BNC2: variants seen among roughly 807,000 people sequenced by gnomAD.
The protein encoded by BNC2 is zinc finger protein basonuclin-2.
Under a neutral mutation model 76.3 loss-of-function variants are expected in BNC2, and 20 were observed. That is an observed-to-expected ratio of 0.26 (90% CI 0.18 to 0.38). BNC2 has a LOEUF of 0.38. BNC2 is among the 10% of genes least tolerant of loss of function. BNC2 has a pLI of 1.00. For synonymous variants in BNC2, 582 were observed against 514.8 expected (o/e 1.13, Z -1.77); for missense variants, 1,382 against 1,399.8 (o/e 0.99, Z 0.20).
At chr9:16,836,238 G>T (rs1236328088) in intron 1 of BNC2, among the ~76,000 whole-genome samples, 12 of 152,072 alleles carry the variant, frequency 7.9e-5, no homozygotes, top group Non-Finnish European at 1.6e-4. Flanking sequence ...CAAGTCTATG[G>T]TCATTCAAGG....
At chr9:16,618,846 A>G (rs1353891659) in intron 3 of BNC2, among the ~76,000 whole-genome samples, 1 of 152,188 alleles carries the variant, frequency 6.6e-6, no homozygotes, top group Admixed American at 6.5e-5. Context: ...CAGCTCAAAC[A>G]GTCCTGAAGC....
intron 5 of BNC2, among the ~76,000 whole-genome samples, chr9:16,449,407 G>A (rs1821293178): frequency 6.6e-6 from 1 of 152,096 alleles, no homozygotes; most frequent in Non-Finnish European, 1.5e-5. Flanking sequence ...TTGTCATTAT[G>A]CATCCTGGAG....
chr9:16,479,646 A>C (rs750045721), intron 5 of BNC2, among the ~76,000 whole-genome samples: 88 of 152,256 alleles, frequency 5.8e-4, no homozygotes, highest in Middle Eastern at 3.4e-3. Flanking sequence ...ACAGTCCTAT[A>C]ATTTACAATT....
intron 1 of BNC2, among the ~76,000 whole-genome samples, chr9:16,864,767 G>A (rs930501169): frequency 5.9e-5 from 9 of 152,064 alleles, no homozygotes; most frequent in South Asian, 4.2e-4. Flanking sequence ...GGATGTAACC[G>A]AGAAATCTAA....
chr9:16,631,653 G>A (rs1488000036), intron 3 of BNC2, among the ~76,000 whole-genome samples: 2 of 152,146 alleles, frequency 1.3e-5, no homozygotes, highest in Non-Finnish European at 2.9e-5. Flanking sequence ...ACTGATTTCC[G>A]TGGCCTACCA....
At chr9:16,768,430 T>C (rs573722972) in intron 1 of BNC2, among the ~76,000 whole-genome samples, 2 of 152,238 alleles carry the variant, frequency 1.3e-5, no homozygotes, top group African/African-American at 4.8e-5. Context: ...CAAAAGGGAT[T>C]TGGATAATGG....
chr9:16,663,981 A>T (rs1822189997), intron 3 of BNC2, among the ~76,000 whole-genome samples: 1 of 152,236 alleles, frequency 6.6e-6, no homozygotes, highest in Non-Finnish European at 1.5e-5. Context: ...CCCTGGCAAG[A>T]AAAGGGCTAA....
chr9:16,647,855 A>T (rs1429496468), intron 3 of BNC2, among the ~76,000 whole-genome samples: 2 of 152,290 alleles, frequency 1.3e-5, no homozygotes, highest in East Asian at 3.9e-4. Context: ...TCACTTGTGG[A>T]TTAGCTAGTC....
chr9:16,616,576 C>T (rs1360626251), intron 3 of BNC2, among the ~76,000 whole-genome samples: 1 of 151,288 alleles, frequency 6.6e-6, no homozygotes, highest in Non-Finnish European at 1.5e-5. Flanking sequence ...GTCTCAGCAA[C>T]TTGGGAGGCT....
intron 3 of BNC2, among the ~76,000 whole-genome samples, chr9:16,659,442 T>C (rs1206228584): frequency 1.3e-5 from 2 of 151,920 alleles, no homozygotes; most frequent in African/African-American, 4.8e-5. Flanking sequence ...ACCCCATCTC[T>C]ACTAAAAACA....
intron 1 of BNC2, among the ~76,000 whole-genome samples, chr9:16,759,023 T>C (rs985235730): frequency 1.3e-5 from 2 of 152,242 alleles, no homozygotes; most frequent in African/African-American, 4.8e-5. Context: ...TTCTGATTTT[T>C]AGCAGTAATA....
rs1826087259 is a variant in BNC2 at position 16,780,081 on chromosome 9, A to G, written c.4-41596T>C. Among the ~76,000 whole-genome samples the G allele has an allele frequency of 2.7e-5, 4 of 150,130 alleles. No homozygotes were observed. In the South Asian group the frequency reaches 8.4e-4, roughly 32 times the overall value. On this transcript the variant is annotated intron_variant, in intron 1 of 6. Coordinates refer to ENST00000380672, the MANE Select transcript of BNC2 (RefSeq NM_017637.6). ...GAAACCCCATCTCTACTAAAAATAC[A>G]AAAAATTAGCCGGGCGCGGTGGCGG...
intron 6 of BNC2, among the ~76,000 whole-genome samples, chr9:16,433,622 G>A (rs1490249157): frequency 6.6e-6 from 1 of 152,140 alleles, no homozygotes; most frequent in Non-Finnish European, 1.5e-5. Context: ...TACCTCAACA[G>A]TGCCTCCCTA....
intron 5 of BNC2, chr9:16,473,379 T>C (rs1331749399): frequency 6.6e-6 from 1 of 152,114 alleles, no homozygotes; most frequent in East Asian, 1.9e-4. Context: ...TACAGGGATA[T>C]GAGGTAGCAC....
At chr9:16,758,497 C>T (rs980757066) in intron 1 of BNC2, among the ~76,000 whole-genome samples, 2 of 152,000 alleles carry the variant, frequency 1.3e-5, no homozygotes, top group Non-Finnish European at 2.9e-5. Flanking sequence ...CACCCGGCTC[C>T]TTTTTGTATT....
intron 6 of BNC2, among the ~76,000 whole-genome samples, chr9:16,433,325 T>G (rs1209770852): frequency 1.3e-5 from 2 of 152,216 alleles, no homozygotes; most frequent in African/African-American, 2.4e-5. Context: ...TTCATTTATC[T>G]TATGTGACAA....
chr9:16,863,049 G>A (rs1586945162), intron 1 of BNC2, among the ~76,000 whole-genome samples: 1 of 151,946 alleles, frequency 6.6e-6, no homozygotes, highest in East Asian at 2.0e-4. Context: ...CGAGTAGCTG[G>A]GATTATAGGT....
intron 3 of BNC2, among the ~76,000 whole-genome samples, chr9:16,688,970 T>G (rs537595703): frequency 6.6e-6 from 1 of 151,976 alleles, no homozygotes; most frequent in Non-Finnish European, 1.5e-5. Flanking sequence ...ACAAAAGATA[T>G]GACAAGTATA....
At chr9:16,629,979 C>G (rs562213092) in intron 3 of BNC2, among the ~76,000 whole-genome samples, 1 of 152,182 alleles carries the variant, frequency 6.6e-6, no homozygotes, top group African/African-American at 2.4e-5. Flanking sequence ...TTCTCTGTAG[C>G]ATTGATGCTT....
Sources: allele counts gnomAD v4.1 joint callset (sites outside exome capture counted in the v4.1 genomes callset), GRCh38; gene constraint gnomAD v4.1.1; transcripts MANE v1.5; gene names NCBI Gene and HGNC (gene_info 2026-07-23, HGNC 2026-07-21).